The following SLC39A14 variants were observed in gnomAD, a reference collection of about 807,000 sequenced individuals.
SLC39A14 encodes the protein solute carrier family 39 member 14, also known as metal cation symporter ZIP14.
SLC39A14 carries 19 observed loss-of-function variants against 45.5 expected under a neutral mutation model. That is an observed-to-expected ratio of 0.42 (90% confidence interval 0.29 to 0.61). The LOEUF (loss-of-function observed/expected upper bound fraction) is 0.61. SLC39A14 is among the 20% of genes least tolerant of loss of function. SLC39A14 has a pLI of 0.22. For missense variants in SLC39A14, 447 were observed against 616.5 expected (o/e 0.73, Z 2.91); for synonymous variants, 264 against 251.3 (o/e 1.05, Z -0.48).
At position 22,422,600 on chromosome 8, in the gene SLC39A14, TAGAAA is replaced by T; in HGVS notation, c.*2909_*2913del. 1.0e-6 allele frequency: 1 copy of T among 983,962 alleles called. No individual in the cohort carries two copies. Among genetic ancestry groups the T allele is most frequent in the Non-Finnish European group, 1.2e-6 (1 of 828,300 alleles). 61.0% of individuals were successfully genotyped at this position (983,962 alleles called of 1,614,324 possible). Reference sequence around the variant, plus strand: ...ATAACTCAGGTGTATGAGAAGAAATTAGAAAAGAAAATTAACTTATGTGGACTGTA... The same window carrying T: ...ATAACTCAGGTGTATGAGAAGAAATTAGAAAATTAACTTATGTGGACTGTA... On this transcript the variant is annotated 3_prime_UTR_variant, in exon 9 of 9. Coordinates refer to ENST00000381237, the MANE Select transcript of SLC39A14 (RefSeq NM_001128431.4).
intron 1 of SLC39A14, among the ~76,000 whole-genome samples, chr8:22,379,856 G>A (rs2132187875): frequency 6.7e-6 from 1 of 150,294 alleles, no homozygotes; most frequent in African/African-American, 2.4e-5. Context: ...TTGAACCCGG[G>A]AGGCAGAGGT....
chr8:22,404,625 G>A (rs1177975472), intron 1 of SLC39A14, 71 bp from the exon 2 acceptor site: 1 of 1,434,620 alleles, frequency 7.0e-7, no homozygotes, highest in Non-Finnish European at 9.6e-7. Context: ...TCAGTGTGTG[G>A]CGGGCGGGCC....
At chr8:22,423,955 A>G (rs1312166286), downstream of SLC39A14, among the ~76,000 whole-genome samples, 1 of 150,588 alleles carries the variant, frequency 6.6e-6, no homozygotes, top group Non-Finnish European at 1.5e-5. Context: ...AGAGGCGAGC[A>G]CTACCATGCC....
At chr8:22,396,408 AGAGAGGGGGGGGG>A (rs1563532782) in intron 1 of SLC39A14, among the ~76,000 whole-genome samples, 1 of 5,818 alleles carries the variant, frequency 1.7e-4, no homozygotes, top group Non-Finnish European at 2.4e-4. Flanking sequence ...AGAGAGAGAG[AGAGAGGGGGGGGG>A]GAGAGAGAGA....
chr8:22,392,787 C>T (rs1272464130), intron 1 of SLC39A14: 2 of 151,716 alleles, frequency 1.3e-5, no homozygotes, highest in Non-Finnish European at 2.9e-5. Context: ...CTCCCTCCCT[C>T]CCTCCCTCCT....
At chr8:22,373,760 T>G in intron 1 of SLC39A14, among the ~76,000 whole-genome samples, 1 of 150,780 alleles carries the variant, frequency 6.6e-6, no homozygotes, top group East Asian at 1.9e-4. Flanking sequence ...TGTTTTTGTT[T>G]TCTCGTTTTT....
At position 22,422,070 on chromosome 8, in the gene SLC39A14, C is replaced by A; in HGVS notation, c.*2372C>A. ...CTCATGAGTCAAAAATTGGCAATTT[C>A]TTTTGATTTTTAGTTGTTGAATTTG... On this transcript the variant is annotated 3_prime_UTR_variant, in exon 9 of 9. Transcript: ENST00000381237. The A allele has an allele frequency of 1.0e-6, 1 of 985,384 alleles. No individual in the cohort carries two copies. Among genetic ancestry groups the A allele is most frequent in the Non-Finnish European group, 1.2e-6 (1 of 829,918 alleles). The allele number at this position is 985,384 out of a possible 1,614,324, so 61.0% of individuals were successfully genotyped here.
chr8:22,420,119 A>G lies in SLC39A14; in HGVS notation c.*421A>G, dbSNP rs1428260168. 10 of 988,022 alleles carry G rather than the reference A, an allele frequency of 1.0e-5. No homozygotes were observed. Among genetic ancestry groups the G allele is most frequent in the African/African-American group, 1.7e-5 (1 of 57,346 alleles). The allele number at this position is 988,022 out of a possible 1,614,324, so 61.2% of individuals were successfully genotyped here. A position where few individuals can be genotyped will look rare whatever the true frequency, so the allele number is the denominator to read the frequency against. ...GAGTTGAATCCATAGTGTGGGGCCC[A>G]TGACTCTAGCTGGGCACCTTGGACC... On this transcript the variant is annotated 3_prime_UTR_variant, in exon 9 of 9. Transcript: ENST00000381237.
chr8:22,370,199 G>C (rs1381516227), intron 1 of SLC39A14, among the ~76,000 whole-genome samples: 1 of 152,036 alleles, frequency 6.6e-6, no homozygotes, highest in Admixed American at 6.6e-5. Context: ...CGTGTGTGTA[G>C]GGTATATATC....
chr8:22,376,325 C>A (rs973414489), intron 1 of SLC39A14, among the ~76,000 whole-genome samples: 1 of 150,268 alleles, frequency 6.7e-6, no homozygotes, highest in African/African-American at 2.4e-5. Flanking sequence ...GCATGAGCCA[C>A]CACACCTAAT....
chr8:22,383,410 T>C (rs1195047312), intron 1 of SLC39A14, among the ~76,000 whole-genome samples: 1 of 152,122 alleles, frequency 6.6e-6, no homozygotes, highest in Non-Finnish European at 1.5e-5. Flanking sequence ...GGACCAGCTA[T>C]ATTGTTTCAC....
At chr8:22,398,690 G>A (rs958069980) in intron 1 of SLC39A14, 319 of 984,724 alleles carry the variant, frequency 3.2e-4, no homozygotes, top group Non-Finnish European at 3.7e-4. Context: ...TGAGAGGGGA[G>A]GTGGGCTTAG....
Position 22,420,836 on chromosome 8 carries a change from G to A in SLC39A14, c.*1138G>A. 1.0e-6 allele frequency: 1 copy of A among 985,424 alleles called. No homozygotes were observed. Among genetic ancestry groups the A allele is most frequent in the Non-Finnish European group, 1.2e-6 (1 of 829,920 alleles). The allele number at this position is 985,424 out of a possible 1,614,324, so 61.0% of individuals were successfully genotyped here. Reference sequence around the variant, plus strand: ...GGGCATCGCAGATGTTTGCAGAATGGTTGGCCTAATGATTATGCTACAGAT... The same window carrying A: ...GGGCATCGCAGATGTTTGCAGAATGATTGGCCTAATGATTATGCTACAGAT... On this transcript the variant is annotated 3_prime_UTR_variant, in exon 9 of 9. Coordinates refer to ENST00000381237, the MANE Select transcript of SLC39A14 (RefSeq NM_001128431.4).
downstream of SLC39A14, among the ~76,000 whole-genome samples, chr8:22,426,987 C>G (rs1057497429): frequency 1.5e-4 from 23 of 151,572 alleles, no homozygotes; most frequent in Admixed American, 2.6e-4. Flanking sequence ...GATCAATGTG[C>G]TCTCTTAAAA....
intron 2 of SLC39A14, among the ~76,000 whole-genome samples, chr8:22,405,952 T>C (rs903569181): frequency 6.6e-6 from 1 of 152,062 alleles, no homozygotes; most frequent in African/African-American, 2.4e-5. Flanking sequence ...ATTTAGGGAG[T>C]TGACTGTCAC....
chr8:22,429,133 G>A (rs1425919424), intron 8 of SLC39A14, among the ~76,000 whole-genome samples: 1 of 152,092 alleles, frequency 6.6e-6, no homozygotes. Flanking sequence ...TTGGCTGGGC[G>A]TGGTGGCGGG....
downstream of SLC39A14, among the ~76,000 whole-genome samples, chr8:22,427,476 T>A (rs1024597493): frequency 3.3e-5 from 5 of 151,316 alleles, no homozygotes; most frequent in Admixed American, 3.3e-4. Flanking sequence ...TTGCTTAAAA[T>A]AAAGGATTAG....
At chr8:22,405,511 T>A (rs1835160118) in intron 2 of SLC39A14, among the ~76,000 whole-genome samples, 1 of 152,062 alleles carries the variant, frequency 6.6e-6, no homozygotes, top group Non-Finnish European at 1.5e-5. Flanking sequence ...AGAATCTGTC[T>A]CAAAACAAAA....
At chr8:22,431,088 A>G (rs977787403) in intron 8 of SLC39A14, among the ~76,000 whole-genome samples, 4 of 151,916 alleles carry the variant, frequency 2.6e-5, no homozygotes, top group Admixed American at 2.0e-4. Flanking sequence ...CCTGGGTTCA[A>G]ACAATTCTCC....
Sources: gnomAD v4.1 joint callset for allele counts (sites outside exome capture counted in the v4.1 genomes callset) on GRCh38, gnomAD v4.1.1 for gene constraint, MANE v1.5 for transcripts, NCBI Gene and HGNC (gene_info 2026-07-23, HGNC 2026-07-21) for gene names.